Variants in APCDD1L observed in about 807,000 individuals in gnomAD.
APCDD1L encodes the protein protein APCDD1-like.
A neutral mutation model predicts 24.2 loss-of-function variants in APCDD1L; 21 were observed. That is an observed-to-expected ratio of 0.87 (90% CI 0.61 to 1.25). The LOEUF (loss-of-function observed/expected upper bound fraction) is 1.25. APCDD1L is among the 50% of genes most tolerant of loss of function. The pLI is 0.00. For missense variants in APCDD1L, 704 were observed against 711.7 expected (o/e 0.99, Z 0.12); for synonymous variants, 321 against 323.6 (o/e 0.99, Z 0.09).
intron 3 of APCDD1L, among the ~76,000 whole-genome samples, chr20:58,462,955 G>A (rs960257923): frequency 2.0e-5 from 3 of 150,530 alleles, no homozygotes; most frequent in Non-Finnish European, 4.4e-5. Context: ...CATCCTGGCC[G>A]ACATGGTGAA....
Position 58,500,889 on chromosome 20 carries a change from C to T in APCDD1L, c.49+13770G>A, listed in dbSNP as rs183921007. On this transcript the variant is annotated intron_variant, in intron 1 of 3. Coordinates refer to ENST00000371149, the MANE Select transcript of APCDD1L (RefSeq NM_153360.3). ...GTGGGCTCTCCAAGCTGTCCACTTCCCCCAGCCCTCCCACTCCTCCAGATG... is the reference window on the plus strand; with the variant it reads ...GTGGGCTCTCCAAGCTGTCCACTTCTCCCAGCCCTCCCACTCCTCCAGATG... Among the ~76,000 whole-genome samples the T allele has an allele frequency of 1.3e-4, 20 of 152,280 alleles. No individual in the cohort carries two copies. In the East Asian group the frequency reaches 3.9e-3, roughly 29 times the overall value.
intron 1 of APCDD1L, among the ~76,000 whole-genome samples, chr20:58,474,752 A>G (rs1989875721): frequency 6.6e-6 from 1 of 152,142 alleles, no homozygotes. Flanking sequence ...CACCGTTTTA[A>G]CCATTTTAAA....
Position 58,494,270 on chromosome 20 carries a change from CTTTTCT to C in APCDD1L, c.49+20383_49+20388del. Among the ~76,000 whole-genome samples, 1 of 132,938 alleles carries C rather than the reference CTTTTCT, an allele frequency of 7.5e-6. No individual in the cohort carries two copies. Among genetic ancestry groups the C allele is most frequent in the South Asian group, 3.3e-4 (1 of 3,042 alleles). The allele number at this position is 132,938 out of a possible 152,430, so 87.2% of individuals were successfully genotyped here. ...TAAGGGTCAACTGCATTTCTTTTTT[CTTTTCT>C]TTTCTTTTCTTACTTTTCTTTTCTC... is the stretch of plus-strand genomic sequence containing the variant. On this transcript the variant is annotated intron_variant, in intron 1 of 3. Coordinates refer to ENST00000371149, the MANE Select transcript of APCDD1L (RefSeq NM_153360.3). The surrounding 1 kb of genome is among the most constrained non-coding windows in gnomAD (Gnocchi z 4.8).
Position 58,470,826 on chromosome 20 carries a change from T to G in APCDD1L, c.50-79A>C. On this transcript the variant is annotated intron_variant, in intron 1 of 3. Transcript: ENST00000371149. ...CCCATCTGCCCTCCCAACCCCACTG[T>G]GGCCACAGAGAGCCAGGCAGGGCTG... The G allele has an allele frequency of 3.4e-6, 5 of 1,467,198 alleles. No homozygotes were observed. The South Asian group carries it at 6.9e-5, about 20-fold the overall frequency. 90.9% of individuals were successfully genotyped at this position (1,467,198 alleles called of 1,614,324 possible).
Position 58,467,104 on chromosome 20 carries a change from A to G in APCDD1L, c.741+2T>C. 6.3e-7 allele frequency: 1 copy of G among 1,598,834 alleles called. No homozygotes were observed. Among genetic ancestry groups the G allele is most frequent in the Non-Finnish European group, 8.5e-7 (1 of 1,175,750 alleles). The stretch of plus-strand genomic sequence containing the variant: ...CTCCCACACCCCAACACACACACTC[A>G]CCAGTGCGCTCTGCAGCGGGCGCTG... On this transcript the variant is annotated splice_donor_variant, in intron 3 of 3. Coordinates refer to ENST00000371149, the MANE Select transcript of APCDD1L (RefSeq NM_153360.3). LOFTEE classifies it high-confidence loss of function. This position sits in a 1 kb window ranked among gnomAD's most constrained non-coding sequence, Gnocchi z 5.9.
rs143595826 is a variant in APCDD1L, at chr20:58,500,099, G to A, written c.49+14560C>T. On this transcript the variant is annotated intron_variant, in intron 1 of 3. Transcript: ENST00000371149. ...TCTACACTGAACGGCATAAGGTGAA[G>A]CTTCTTTCTCCTTCTACCCTAGTCC... Among the ~76,000 whole-genome samples the A allele has an allele frequency of 6.6e-4, 100 of 152,272 alleles. 1 individual carries two copies. Among genetic ancestry groups the A allele is most frequent in the African/African-American group, 2.3e-3 (96 of 41,556 alleles).
intron 1 of APCDD1L, among the ~76,000 whole-genome samples, chr20:58,476,435 C>T (rs1325860806): frequency 6.6e-6 from 1 of 152,208 alleles, no homozygotes; most frequent in African/African-American, 2.4e-5. Context: ...GTGATCCACC[C>T]ACCTTGGCTT....
chr20:58,505,727 C>T (rs763408842), intron 1 of APCDD1L, among the ~76,000 whole-genome samples: 2 of 151,974 alleles, frequency 1.3e-5, no homozygotes, highest in African/African-American at 2.4e-5. Flanking sequence ...AACTCTAGTA[C>T]CTCAGATTGT....
intron 1 of APCDD1L, among the ~76,000 whole-genome samples, chr20:58,489,274 C>T (rs557926135): frequency 4.6e-5 from 7 of 152,220 alleles, no homozygotes; most frequent in South Asian, 2.1e-4. Context: ...CAGTGGCTCA[C>T]GCCTGTAATC....
chr20:58,479,966 A>C (rs1269514907), intron 1 of APCDD1L, among the ~76,000 whole-genome samples: 2 of 152,234 alleles, frequency 1.3e-5, no homozygotes, highest in African/African-American at 2.4e-5. Context: ...TGCAGATTGG[A>C]TGCTATGACT....
chr20:58,495,942 G>A (rs1213523988), intron 1 of APCDD1L, among the ~76,000 whole-genome samples: 2 of 152,154 alleles, frequency 1.3e-5, no homozygotes, highest in Non-Finnish European at 2.9e-5. Flanking sequence ...CTGGGCCCCT[G>A]TGCCCACATC....
In APCDD1L at chr20:58,460,716, CCTACAG is replaced by C; in HGVS notation, c.*68_*73del. ...CAGAGCAGAGGAGAATGGTTCCTTC[CCTACAG>C]CTGCCAGGAGGGAGTCTGAAGGGTT... On this transcript the variant is annotated 3_prime_UTR_variant, in exon 4 of 4. Coordinates refer to ENST00000371149, the MANE Select transcript of APCDD1L (RefSeq NM_153360.3). The surrounding 1 kb of genome is among the most constrained non-coding windows in gnomAD (Gnocchi z 4.2). 6.9e-7 allele frequency: 1 copy of C among 1,459,742 alleles called. No individual in the cohort carries two copies. The highest frequency in any genetic ancestry group is 9.1e-7 in the Non-Finnish European group (1 of 1,096,382). The allele number at this position is 1,459,742 out of a possible 1,614,324, so 90.4% of individuals were successfully genotyped here.
At position 58,472,663 on chromosome 20, in the gene APCDD1L, G is replaced by T. The variant is rs566282756; in HGVS notation, c.50-1916C>A. On this transcript the variant is annotated intron_variant, in intron 1 of 3. Transcript: ENST00000371149. The stretch of plus-strand genomic sequence containing the variant: ...ATTGGCTTTAATTAGCCAAATAGGA[G>T]AAATGAAAACAAATAGCCACCCAGC... 2.2e-4 allele frequency among the ~76,000 whole-genome samples: 34 copies of T among 152,318 alleles called. No homozygotes were observed. The South Asian group carries it at 6.4e-3, about 29-fold the overall frequency.
chr20:58,460,764 C>G lies in APCDD1L; in HGVS notation c.*26G>C. On this transcript the variant is annotated 3_prime_UTR_variant, in exon 4 of 4. Coordinates refer to ENST00000371149, the MANE Select transcript of APCDD1L (RefSeq NM_153360.3). The surrounding 1 kb of genome is among the most constrained non-coding windows in gnomAD (Gnocchi z 4.2). The stretch of plus-strand genomic sequence containing the variant: ...TGAAGGGTTGAATGGGTGTCCAGAG[C>G]CGCCATCCTGATGTCAAGTCCAATG... 1 of 1,510,386 alleles carries G rather than the reference C, an allele frequency of 6.6e-7. No individual in the cohort carries two copies. Among genetic ancestry groups the G allele is most frequent in the Non-Finnish European group, 8.9e-7 (1 of 1,129,772 alleles). The allele number at this position is 1,510,386 out of a possible 1,614,324, so 93.6% of individuals were successfully genotyped here.
In APCDD1L at chr20:58,486,854, G is replaced by GTTTTTTTTT. The variant is rs747539318; in HGVS notation, c.50-16116_50-16108dup. ...AGAAGGAAAATTTACTGGAGGGAAG[G>GTTTTTTTTT]TTTTTTTTTTTTTTTTTTTTTTTTT... On this transcript the variant is annotated intron_variant, in intron 1 of 3. Coordinates refer to ENST00000371149, the MANE Select transcript of APCDD1L (RefSeq NM_153360.3). Among the ~76,000 whole-genome samples the GTTTTTTTTT allele has an allele frequency of 4.8e-3, 386 of 80,438 alleles. 42 individuals carry two copies. The highest frequency in any genetic ancestry group is 6.3e-3 in the East Asian group (14 of 2,236). 52.8% of individuals were successfully genotyped at this position (80,438 alleles called of 152,430 possible). A position where few individuals can be genotyped will look rare whatever the true frequency, so the allele number is the denominator to read the frequency against.
At chr20:58,492,310 G>A (rs1213859406) in intron 1 of APCDD1L, among the ~76,000 whole-genome samples, 1 of 152,196 alleles carries the variant, frequency 6.6e-6, no homozygotes, top group African/African-American at 2.4e-5. Context: ...TAAGATACAG[G>A]TTGTGTAAAG....
intron 1 of APCDD1L, among the ~76,000 whole-genome samples, chr20:58,510,299 G>A (rs557931736): frequency 3.3e-5 from 5 of 152,112 alleles, no homozygotes; most frequent in South Asian, 4.1e-4. Flanking sequence ...CACAATACAC[G>A]TCCACTGAAT....
At chr20:58,465,488 A>C (rs949459024) in intron 3 of APCDD1L, among the ~76,000 whole-genome samples, 1 of 152,220 alleles carries the variant, frequency 6.6e-6, no homozygotes, top group Non-Finnish European at 1.5e-5. Context: ...CAACAAATAC[A>C]TGCTGAATGA....
intron 1 of APCDD1L, among the ~76,000 whole-genome samples, chr20:58,487,735 A>G (rs988045128): frequency 2.8e-4 from 42 of 152,230 alleles, no homozygotes; most frequent in African/African-American, 9.9e-4. Context: ...TGGTCACTCC[A>G]CAAAAGGTCC....
Sources: allele counts gnomAD v4.1 joint callset (sites outside exome capture counted in the v4.1 genomes callset), GRCh38; gene constraint gnomAD v4.1.1; non-coding constraint Gnocchi (gnomAD v3.1); transcripts MANE v1.5; gene names NCBI Gene and HGNC (gene_info 2026-07-23, HGNC 2026-07-21).